The following ABHD3 variants were observed in gnomAD, a reference collection of about 807,000 sequenced individuals.
ABHD3 encodes phospholipase ABHD3.
ABHD3 carries 46 observed loss-of-function variants against 48.8 expected under a neutral mutation model. That is an observed-to-expected ratio of 0.94 (90% CI 0.74 to 1.20). The LOEUF is 1.20. Ranked by LOEUF, ABHD3 falls within the 50% of genes most tolerant of loss-of-function variation. The probability of loss-of-function intolerance (pLI) is 0.00; values close to 1 mark genes in which losing one functional copy is unlikely to be tolerated. For missense variants in ABHD3, 490 were observed against 497.8 expected, an observed-to-expected ratio of 0.98 and a Z score of 0.15; for synonymous variants, 192 against 183.7, an observed-to-expected ratio of 1.04 and a Z score of -0.36.
intron 4 of ABHD3, among the ~76,000 whole-genome samples, chr18:21,671,006 C>A (rs1421093375): frequency 6.6e-6 from 1 of 151,920 alleles, no homozygotes; most frequent in Non-Finnish European, 1.5e-5. Flanking sequence ...AGAGTTAGAC[C>A]CTGTCTCAAA....
At chr18:21,683,069 C>A (rs2040042727) in intron 4 of ABHD3, 1 of 152,874 alleles carries the variant, frequency 6.5e-6, no homozygotes, top group African/African-American at 2.4e-5. Flanking sequence ...ACATTTGTGA[C>A]CTGATTGTAA....
chr18:21,651,399 T>C lies in ABHD3; in HGVS notation c.*192A>G. On this transcript the variant is annotated 3_prime_UTR_variant, in exon 9 of 9. Coordinates refer to ENST00000289119, the MANE Select transcript of ABHD3 (RefSeq NM_138340.5). The stretch of plus-strand genomic sequence containing the variant: ...AAAATAAAATCTACGTAAGTAACAA[T>C]CTAATACTATATTTAATTTGTTGCT... 1 of 525,390 alleles carries C rather than the reference T, an allele frequency of 1.9e-6. No individual in the cohort carries two copies. 32.5% of individuals were successfully genotyped at this position (525,390 alleles called of 1,614,324 possible).
At chr18:21,679,084 T>C (rs1294225172) in intron 4 of ABHD3, among the ~76,000 whole-genome samples, 1 of 152,252 alleles carries the variant, frequency 6.6e-6, no homozygotes, top group Non-Finnish European at 1.5e-5. Flanking sequence ...TTAGAGACAG[T>C]TCCTTCCTGT....
At chr18:21,658,562 G>C (rs2039408620) in intron 6 of ABHD3, among the ~76,000 whole-genome samples, 1 of 152,156 alleles carries the variant, frequency 6.6e-6, no homozygotes, top group Non-Finnish European at 1.5e-5. Flanking sequence ...ACCTTCAATA[G>C]TGTACCTTCA....
chr18:21,651,267 A>G lies in ABHD3; in HGVS notation c.*324T>C, dbSNP rs1488741835. 5.7e-6 allele frequency: 1 copy of G among 174,734 alleles called. No homozygotes were observed. The highest frequency in any genetic ancestry group is 1.2e-5 in the Non-Finnish European group (1 of 82,136). 10.8% of individuals were successfully genotyped at this position (174,734 alleles called of 1,614,324 possible). A position where few individuals can be genotyped will look rare whatever the true frequency, so the allele number is the denominator to read the frequency against. Reference sequence around the variant, plus strand: ...AATAATCTAAAAAAATACTAGTTTAAATTAAAACCCTGAGGAATTAAAATT... The same window carrying G: ...AATAATCTAAAAAAATACTAGTTTAGATTAAAACCCTGAGGAATTAAAATT... On this transcript the variant is annotated 3_prime_UTR_variant, in exon 9 of 9. Transcript: ENST00000289119.
chr18:21,664,745 C>T lies in ABHD3; in HGVS notation c.556-515G>A, dbSNP rs141733035. ...TCCCAGGCTCAAGCAATCCTCTGAC[C>T]TTAAACTCCCAAGTAGCTGGAACCA... is the stretch of plus-strand genomic sequence containing the variant. On this transcript the variant is annotated intron_variant, in intron 4 of 8. Transcript: ENST00000289119. Among the ~76,000 whole-genome samples the T allele has an allele frequency of 2.5e-4, 38 of 152,036 alleles. No homozygotes were observed. In the East Asian group the frequency reaches 7.2e-3, roughly 29 times the overall value.
At chr18:21,656,711 G>T in intron 8 of ABHD3, 150 bp downstream of exon 8, 1 of 742,820 alleles carries the variant, frequency 1.3e-6, no homozygotes, top group Non-Finnish European at 2.1e-6. Flanking sequence ...ATATTTAAGT[G>T]ATTTGAGACA....
chr18:21,655,948 G>C (rs1466312872), intron 8 of ABHD3, among the ~76,000 whole-genome samples: 1 of 151,372 alleles, frequency 6.6e-6, no homozygotes, highest in African/African-American at 2.4e-5. Context: ...CCTGAGGTCA[G>C]GAGTTTGAGA....
intron 3 of ABHD3, among the ~76,000 whole-genome samples, chr18:21,692,108 C>T (rs2040265024): frequency 6.6e-6 from 1 of 152,202 alleles, no homozygotes; most frequent in African/African-American, 2.4e-5. Flanking sequence ...CACCACCACA[C>T]TCGGCTAATT....
At position 21,656,906 on chromosome 18, in the gene ABHD3, C is replaced by T; in HGVS notation, c.1012G>A (p.Val338Ile). The change falls in exon 8 of 9, where the codon GTA becomes ATA. Residue 338 changes from valine (V) to isoleucine (I), a missense_variant. By Grantham distance (29) the Val-to-Ile change is conservative. Coordinates refer to ENST00000289119, the MANE Select transcript of ABHD3 (RefSeq NM_138340.5). ...SPRLKSVGIP[V>I]LCLNSVDDVF... The stretch of plus-strand genomic sequence containing the variant: ...TCATCCACAGAATTTAGACACAATA[C>T]TGGAATTCCTACTGACTTCAGTCTA... 2 of 1,613,212 alleles carry T rather than the reference C, an allele frequency of 1.2e-6. No homozygotes were observed. Among genetic ancestry groups the T allele is most frequent in the East Asian group, 4.5e-5 (2 of 44,832 alleles).
intron 4 of ABHD3, among the ~76,000 whole-genome samples, chr18:21,680,806 T>G (rs186182365): frequency 5.9e-5 from 9 of 151,796 alleles, no homozygotes; most frequent in Non-Finnish European, 1.0e-4. Context: ...CTTCTCCTCT[T>G]TTTCTCTCCT....
chr18:21,696,282 T>G (rs898481700), intron 3 of ABHD3, among the ~76,000 whole-genome samples: 28 of 152,046 alleles, frequency 1.8e-4, no homozygotes, highest in African/African-American at 6.8e-4. Context: ...TAGCTGGGAC[T>G]ACAGGCACCT....
Position 21,659,248 on chromosome 18 carries a change from G to T in ABHD3, c.764C>A (p.Ser255Ter). 1 of 1,614,038 alleles carries T rather than the reference G, an allele frequency of 6.2e-7. No homozygotes were observed. The highest frequency in any genetic ancestry group is 1.1e-5 in the South Asian group (1 of 91,052). The change falls in exon 6 of 9, where the codon TCA (serine) becomes TAA (stop). Residue 255 changes from serine (S) to a stop codon, truncating the protein, a stop_gained. Coordinates refer to ENST00000289119, the MANE Select transcript of ABHD3 (RefSeq NM_138340.5). LOFTEE classifies it high-confidence loss of function. ...FSVGWNTFACSESLEKPLNWL... is the reference protein window; with the variant it reads ...FSVGWNTFAC ...GTTCAGTGGTTTTTCCAATGACTCT[G>T]AGCAAGCGAAGGTGTTCCAACCAAC...
chr18:21,667,183 C>G lies in ABHD3; in HGVS notation c.556-2953G>C, dbSNP rs150443715. On this transcript the variant is annotated intron_variant, in intron 4 of 8. Transcript: ENST00000289119. The stretch of plus-strand genomic sequence containing the variant: ...CTGCCTCCTGGGTTCACACCATTCT[C>G]CTGCCTCAGCCTCCCATGTAGCTGG... Among the ~76,000 whole-genome samples, 1,127 of 149,868 alleles carry G rather than the reference C, an allele frequency of 7.5e-3. 13 individuals carry two copies. Among genetic ancestry groups the G allele is most frequent in the African/African-American group, 0.025 (1,021 of 40,336 alleles).
intron 8 of ABHD3, chr18:21,655,085 TG>T (rs2039312327): frequency 6.6e-6 from 1 of 152,116 alleles, no homozygotes; most frequent in Non-Finnish European, 1.5e-5. Context: ...TAAGATTACC[TG>T]TGATTAAACA....
chr18:21,688,030 G>C (rs926661207), intron 3 of ABHD3, among the ~76,000 whole-genome samples: 9 of 152,204 alleles, frequency 5.9e-5, no homozygotes, highest in African/African-American at 2.2e-4. Context: ...CAGTGAGATG[G>C]ACCAGAGAAC....
At chr18:21,674,436 CAAG>C (rs959768363) in intron 4 of ABHD3, among the ~76,000 whole-genome samples, 2 of 151,814 alleles carry the variant, frequency 1.3e-5, no homozygotes, top group African/African-American at 2.4e-5. Context: ...TTTGTAGAGA[CAAG>C]GTCTCATTAT....
chr18:21,686,677 G>C (rs1231848739), intron 3 of ABHD3, among the ~76,000 whole-genome samples: 1 of 152,196 alleles, frequency 6.6e-6, no homozygotes, highest in Non-Finnish European at 1.5e-5. Context: ...AGTCATCATT[G>C]TATACTTAAA....
At chr18:21,668,894 T>A (rs577712236) in intron 4 of ABHD3, among the ~76,000 whole-genome samples, 1 of 152,138 alleles carries the variant, frequency 6.6e-6, no homozygotes, top group Non-Finnish European at 1.5e-5. Context: ...TAGCCCCAGC[T>A]GTGCTACACT....
Sources: gnomAD v4.1 joint callset for allele counts (sites outside exome capture counted in the v4.1 genomes callset) on GRCh38, gnomAD v4.1.1 for gene constraint, MANE v1.5 for transcripts, NCBI Gene and HGNC (gene_info 2026-07-23, HGNC 2026-07-21) for gene names.